RPL21: variants seen among roughly 807,000 people sequenced by gnomAD.
RPL21 encodes ribosomal protein L21.
Under a neutral mutation model 21.2 loss-of-function variants are expected in RPL21, and 1 was observed. The observed-to-expected ratio is 0.05, with a 90% CI of 0.02 to 0.22. RPL21 has a LOEUF of 0.22. Among genes scored for constraint, RPL21 ranks in the 10% least tolerant of loss-of-function variants. The probability of loss-of-function intolerance (pLI) is 1.00; values close to 1 mark genes in which losing one functional copy is unlikely to be tolerated. For synonymous variants in RPL21, 52 were observed against 62.9 expected, an observed-to-expected ratio of 0.83 and a Z score of 0.82; for missense variants, 113 against 199.4, an observed-to-expected ratio of 0.57 and a Z score of 2.61.
At chr13:27,256,366 G>T (rs1881900530) in intron 5 of RPL21, 32 bp downstream of exon 5, 5 of 1,602,616 alleles carry the variant, frequency 3.1e-6, no homozygotes, top group Non-Finnish European at 2.6e-6. Context: ...CATTGGTTCT[G>T]AGAGCACTTT....
chr13:27,253,684 A>C, intron 1 of RPL21, 81 bp from the exon 2 acceptor site: 1 of 791,050 alleles, frequency 1.3e-6, no homozygotes, highest in Non-Finnish European at 2.3e-6. Context: ...CGCTACTGAA[A>C]TGTGAACATT....
intron 1 of RPL21, among the ~76,000 whole-genome samples, chr13:27,252,027 G>A (rs532124736): frequency 4.6e-5 from 7 of 152,228 alleles, no homozygotes; most frequent in South Asian, 2.1e-4. Flanking sequence ...TGTTGGGTGA[G>A]GACTTAAGGG....
intron 4 of RPL21, chr13:27,255,661 T>C (rs965266553): frequency 4.5e-6 from 2 of 441,818 alleles, no homozygotes; most frequent in Non-Finnish European, 8.7e-6. Flanking sequence ...AAGCTCCACC[T>C]CCTGGGTTCA....
chr13:27,255,638 C>T (rs1022044939), intron 4 of RPL21: 14 of 496,902 alleles, frequency 2.8e-5, no homozygotes, highest in Non-Finnish European at 4.6e-5. Flanking sequence ...GTGGTGGGAT[C>T]TCTGCTCTCT....
intron 4 of RPL21, chr13:27,255,656 C>T: frequency 2.2e-6 from 1 of 454,916 alleles, no homozygotes; most frequent in South Asian, 1.8e-5. Context: ...TCTGCAAGCT[C>T]CACCTCCTGG....
chr13:27,253,123 A>C (rs926090208), intron 1 of RPL21, among the ~76,000 whole-genome samples: 3 of 152,196 alleles, frequency 2.0e-5, no homozygotes, highest in Non-Finnish European at 4.4e-5. Flanking sequence ...GAAAGTGTTC[A>C]CCCCTATTTT....
chr13:27,253,155 A>G (rs1050553626), intron 1 of RPL21, among the ~76,000 whole-genome samples: 1 of 152,196 alleles, frequency 6.6e-6, no homozygotes, highest in Admixed American at 6.5e-5. Context: ...TGAGAGATGA[A>G]ATGTGGGTGT....
chr13:27,252,573 A>G (rs74041086), intron 1 of RPL21, among the ~76,000 whole-genome samples: 2 of 152,122 alleles, frequency 1.3e-5, no homozygotes, highest in African/African-American at 4.8e-5. Flanking sequence ...GAGTTAACTG[A>G]TTATGCCACT....
chr13:27,253,733 T>TTG, intron 1 of RPL21, 32 bp from the exon 2 acceptor site: 1 of 1,237,968 alleles, frequency 8.1e-7, no homozygotes, highest in Non-Finnish European at 1.2e-6. Context: ...CAGTTTTCAG[T>TTG]CGTATTTGAC....
chr13:27,253,839 A>G lies in RPL21; in HGVS notation c.63A>G (p.Lys21=), dbSNP rs1881761412. 6.3e-7 allele frequency: 1 copy of G among 1,577,720 alleles called. No homozygotes were observed. Among genetic ancestry groups the G allele is most frequent in the Admixed American group, 1.7e-5 (1 of 59,928 alleles). The stretch of plus-strand genomic sequence containing the variant: ...ATATGTTCTCTAGGCCTTTTAGAAA[A>G]CATGGTAAGTAGGTTTACCTTCCTT... ...TRYMFSRPFR[K]HGVVPLATYM... The change falls in exon 2 of 6, where the codon AAA becomes AAG. Residue 21 remains lysine (K), a synonymous_variant. Coordinates refer to ENST00000311549, the MANE Select transcript of RPL21 (RefSeq NM_000982.4).
chr13:27,253,853 T>C lies in RPL21; in HGVS notation c.67+10T>C, dbSNP rs1180841488. The C allele has an allele frequency of 1.3e-6, 2 of 1,499,350 alleles. No homozygotes were observed. Among genetic ancestry groups the C allele is most frequent in the South Asian group, 2.3e-5 (2 of 88,804 alleles). 92.9% of individuals were successfully genotyped at this position (1,499,350 alleles called of 1,614,324 possible). On this transcript the variant is annotated intron_variant, in intron 2 of 5. Transcript: ENST00000311549. ...CCTTTTAGAAAACATGGTAAGTAGGTTTACCTTCCTTGAGAGAAGCATGGC... is the reference window on the plus strand; with the variant it reads ...CCTTTTAGAAAACATGGTAAGTAGGCTTACCTTCCTTGAGAGAAGCATGGC...
intron 2 of RPL21, 35 bp from the exon 3 acceptor site, chr13:27,254,185 C>T (rs1459019982): frequency 3.1e-6 from 4 of 1,301,252 alleles, no homozygotes; most frequent in Middle Eastern, 4.3e-4. Context: ...AGATTTTTAG[C>T]CTTAATACTC....
chr13:27,252,342 C>T (rs904228637), intron 1 of RPL21, among the ~76,000 whole-genome samples: 3 of 152,160 alleles, frequency 2.0e-5, no homozygotes, highest in African/African-American at 7.2e-5. Flanking sequence ...AGCCATAGTT[C>T]ATCATTTTGT....
intron 4 of RPL21, chr13:27,255,638 C>A: frequency 2.0e-6 from 1 of 497,020 alleles, no homozygotes; most frequent in Non-Finnish European, 3.9e-6. Context: ...GTGGTGGGAT[C>A]TCTGCTCTCT....
intron 4 of RPL21, 32 bp from the exon 5 acceptor site, chr13:27,256,151 TA>T: frequency 6.5e-7 from 1 of 1,541,982 alleles, no homozygotes; most frequent in Non-Finnish European, 8.9e-7. Context: ...ATATTTTTGT[TA>T]AAGCACTTAA....
chr13:27,256,322 A>C lies in RPL21; in HGVS notation c.381A>C (p.Gln127His). The change falls in exon 5 of 6, where the codon CAA (glutamine) becomes CAC (histidine). Residue 127 changes from glutamine to histidine, a missense_variant. Physicochemically the swap from Gln to His is conservative, Grantham distance 24. Transcript: ENST00000311549. Reference protein sequence around the residue: ...KEAKEKGTWVQLKRQPAPPRE... With the variant: ...KEAKEKGTWVHLKRQPAPPRE... ...CCAAAGAGAAAGGTACCTGGGTTCA[A>C]CTAAAGCGCCAGGTAAGAATTTGGT... The C allele has an allele frequency of 1.2e-6, 2 of 1,610,930 alleles. No individual in the cohort carries two copies. Among genetic ancestry groups the C allele is most frequent in the Non-Finnish European group, 8.5e-7 (1 of 1,177,826 alleles).
chr13:27,256,317 G>T lies in RPL21; in HGVS notation c.376G>T (p.Val126Phe). 1 of 1,610,408 alleles carries T rather than the reference G, an allele frequency of 6.2e-7. No individual in the cohort carries two copies. The change falls in exon 5 of 6, where the codon GTT (valine) becomes TTT (phenylalanine). Residue 126 changes from valine (V) to phenylalanine (F), a missense_variant. By Grantham distance (50) the Val-to-Phe change is conservative. Coordinates refer to ENST00000311549, the MANE Select transcript of RPL21 (RefSeq NM_000982.4). ...KKEAKEKGTW[V>F]QLKRQPAPPR... The stretch of plus-strand genomic sequence containing the variant: ...AGAAGCCAAAGAGAAAGGTACCTGG[G>T]TTCAACTAAAGCGCCAGGTAAGAAT...
chr13:27,255,953 T>G (rs1201342630), intron 4 of RPL21: 6 of 506,322 alleles, frequency 1.2e-5, no homozygotes, highest in Admixed American at 6.9e-5. Context: ...TACTAGAGTT[T>G]AAGAGACCAT....
chr13:27,255,008 T>C, intron 3 of RPL21: 1 of 703,244 alleles, frequency 1.4e-6, no homozygotes, highest in Non-Finnish European at 2.6e-6. Flanking sequence ...TTAAAAACCC[T>C]CCTAGTGAAA....
Sources: gnomAD v4.1 joint callset for allele counts (sites outside exome capture counted in the v4.1 genomes callset) on GRCh38, gnomAD v4.1.1 for gene constraint, MANE v1.5 for transcripts, NCBI Gene and HGNC (gene_info 2026-07-23, HGNC 2026-07-21) for gene names.